ANO3: variants seen among roughly 807,000 people sequenced by gnomAD.
ANO3 encodes the protein anoctamin 3, also known as anoctamin-3.
Under a neutral mutation model 144.8 loss-of-function variants are expected in ANO3, and 99 were observed. The ratio of observed to expected loss-of-function variants is 0.68; its 90% CI spans 0.58 to 0.81. The LOEUF is 0.81. Ranked by LOEUF, ANO3 falls within the 30% of genes least tolerant of loss-of-function variation. The pLI is 0.00. For missense variants in ANO3, 905 were observed against 1,202.2 expected (o/e 0.75, Z 3.66); for synonymous variants, 414 against 392.6 (o/e 1.05, Z -0.64).
chr11:26,464,509 A>G (rs1859528351), intron 4 of ANO3, among the ~76,000 whole-genome samples: 1 of 151,900 alleles, frequency 6.6e-6, no homozygotes, highest in Admixed American at 6.6e-5. Flanking sequence ...AGTTTGTATT[A>G]TCTGCTTTTC....
intron 7 of ANO3, among the ~76,000 whole-genome samples, chr11:26,530,093 C>T (rs1268487644): frequency 6.6e-6 from 1 of 152,112 alleles, no homozygotes; most frequent in African/African-American, 2.4e-5. Context: ...TTCCTATGCC[C>T]GTGAGAATCT....
chr11:26,537,662 T>A (rs756759889), intron 10 of ANO3, among the ~76,000 whole-genome samples: 1 of 152,166 alleles, frequency 6.6e-6, no homozygotes, highest in Admixed American at 6.5e-5. Flanking sequence ...ATTTGCCCCA[T>A]ACTGGGAATC....
intron 4 of ANO3, among the ~76,000 whole-genome samples, chr11:26,493,429 T>C (rs563719317): frequency 1.3e-5 from 2 of 152,308 alleles, no homozygotes; most frequent in South Asian, 2.1e-4. Flanking sequence ...ATAGTTTTAA[T>C]GACCTTCCAA....
chr11:26,448,985 G>A (rs777668216), intron 3 of ANO3, among the ~76,000 whole-genome samples: 10 of 152,084 alleles, frequency 6.6e-5, no homozygotes, highest in Non-Finnish European at 1.5e-4. Flanking sequence ...TTTAATAAAA[G>A]GAAGATTAAA....
At chr11:26,519,619 A>G (rs1159676656) in intron 6 of ANO3, among the ~76,000 whole-genome samples, 1 of 152,134 alleles carries the variant, frequency 6.6e-6, no homozygotes, top group Non-Finnish European at 1.5e-5. Flanking sequence ...GTATCCTCAC[A>G]TGGTAGAAGG....
At chr11:26,310,829 G>A (rs567935489) in intron 1 of ANO3, among the ~76,000 whole-genome samples, 122 of 152,260 alleles carry the variant, frequency 8.0e-4, no homozygotes, top group Admixed American at 2.0e-3. Context: ...GCTTCCTTCT[G>A]CCAAAGTCAG....
At chr11:26,285,121 G>C (rs1430075866) in intron 1 of ANO3, among the ~76,000 whole-genome samples, 1 of 151,664 alleles carries the variant, frequency 6.6e-6, no homozygotes, top group Non-Finnish European at 1.5e-5. Flanking sequence ...TTATGGTAAG[G>C]TTAGTATTTA....
At chr11:26,307,214 C>T (rs758854456), upstream of ANO3, among the ~76,000 whole-genome samples, 12 of 151,716 alleles carry the variant, frequency 7.9e-5, no homozygotes, top group Middle Eastern at 3.2e-3. Context: ...ATTAGCCAGT[C>T]GTGGTGGCAC....
chr11:26,248,196 G>T (rs1430848602), intron 1 of ANO3, among the ~76,000 whole-genome samples: 1 of 152,020 alleles, frequency 6.6e-6, no homozygotes, highest in African/African-American at 2.4e-5. Flanking sequence ...AAATTAACCA[G>T]GTGTGGTGGC....
chr11:26,431,724 T>C (rs1219443709), intron 1 of ANO3, among the ~76,000 whole-genome samples: 4 of 152,214 alleles, frequency 2.6e-5, no homozygotes, highest in Non-Finnish European at 4.4e-5. Flanking sequence ...GCAAAGGACA[T>C]GATCTTGTTC....
chr11:26,289,134 C>T (rs890109685), intron 1 of ANO3, among the ~76,000 whole-genome samples: 1 of 151,960 alleles, frequency 6.6e-6, no homozygotes, highest in South Asian at 2.1e-4. Context: ...CATTTTATCT[C>T]TTAATATAAA....
chr11:26,407,092 A>G (rs61877746), intron 1 of ANO3, among the ~76,000 whole-genome samples: 2 of 142,450 alleles, frequency 1.4e-5, no homozygotes, highest in African/African-American at 5.1e-5. Context: ...ATATATATAT[A>G]TGTATATATA....
At chr11:26,622,437 A>T (rs977929792) in intron 17 of ANO3, among the ~76,000 whole-genome samples, 1 of 151,462 alleles carries the variant, frequency 6.6e-6, no homozygotes, top group Non-Finnish European at 1.5e-5. Context: ...TCTGAAAAAA[A>T]AAAAAAGAAA....
At chr11:26,226,148 C>T (rs1852252736) in intron 1 of ANO3, among the ~76,000 whole-genome samples, 1 of 152,014 alleles carries the variant, frequency 6.6e-6, no homozygotes, top group South Asian at 2.1e-4. Flanking sequence ...TTTCTGGACA[C>T]TACAAATTTA....
intron 14 of ANO3, among the ~76,000 whole-genome samples, chr11:26,591,782 A>G (rs536848572): frequency 4.7e-4 from 71 of 152,296 alleles, no homozygotes; most frequent in African/African-American, 1.6e-3. Flanking sequence ...CTTGAAGAGC[A>G]GGTGCAGATC....
intron 1 of ANO3, among the ~76,000 whole-genome samples, chr11:26,264,519 G>A (rs1009756926): frequency 6.6e-6 from 1 of 152,100 alleles, no homozygotes; most frequent in Non-Finnish European, 1.5e-5. Flanking sequence ...ATTTGTGTGA[G>A]GAAATTTATC....
At chr11:26,489,198 CTCCAGTCA>C (rs1860599745) in intron 4 of ANO3, among the ~76,000 whole-genome samples, 1 of 122,540 alleles carries the variant, frequency 8.2e-6, no homozygotes, top group Non-Finnish European at 1.8e-5. Context: ...GTCCCAGCCA[CTCCAGTCA>C]TGGCTGAAAG....
intron 21 of ANO3, 142 bp from the exon 22 acceptor site, chr11:26,641,754 A>G (rs1590667276): frequency 3.2e-6 from 3 of 931,416 alleles, no homozygotes; most frequent in Non-Finnish European, 4.4e-6. Context: ...ACTTTTTTAA[A>G]AAACTTTTAT....
At chr11:26,191,382 G>C (rs191406041) in intron 1 of ANO3, among the ~76,000 whole-genome samples, 120 of 150,918 alleles carry the variant, frequency 8.0e-4, no homozygotes, top group Admixed American at 1.7e-3. Flanking sequence ...TTGACTCACT[G>C]ACTGACTGGC....
Sources: allele counts gnomAD v4.1 joint callset (sites outside exome capture counted in the v4.1 genomes callset), GRCh38; gene constraint gnomAD v4.1.1; transcripts MANE v1.5; gene names NCBI Gene and HGNC (gene_info 2026-07-23, HGNC 2026-07-21).